Variants in NCALD observed in about 807,000 individuals in gnomAD.
The protein encoded by NCALD is neurocalcin-delta.
In NCALD, 10 loss-of-function variants were observed where a neutral mutation model predicts 18.6. The observed-to-expected ratio is 0.54, with a 90% CI of 0.33 to 0.91. The LOEUF (loss-of-function observed/expected upper bound fraction) is 0.91. NCALD is among the 40% of genes least tolerant of loss of function. The pLI, the probability that NCALD is intolerant of heterozygous loss-of-function variation, is 0.03. For synonymous variants in NCALD, 88 were observed against 87.4 expected (o/e 1.01, Z -0.04); for missense variants, 184 against 247.6 (o/e 0.74, Z 1.72).
At chr8:101,745,037 G>C (rs1348243795) in intron 1 of NCALD, among the ~76,000 whole-genome samples, 1 of 150,394 alleles carries the variant, frequency 6.6e-6, no homozygotes, top group African/African-American at 2.4e-5. Flanking sequence ...AGCATTTCTG[G>C]GGGGTAGGGT....
intron 3 of NCALD, among the ~76,000 whole-genome samples, chr8:101,899,009 C>T (rs544775151): frequency 6.6e-6 from 1 of 152,154 alleles, no homozygotes; most frequent in South Asian, 2.1e-4. Context: ...CTCTTCCAAT[C>T]CACAAACACA....
At chr8:101,888,391 T>A (rs1391184672) in intron 3 of NCALD, among the ~76,000 whole-genome samples, 4 of 151,496 alleles carry the variant, frequency 2.6e-5, no homozygotes, top group African/African-American at 7.3e-5. Flanking sequence ...AGCTGGACTT[T>A]CTTTTTTATT....
At position 102,047,663 on chromosome 8, in the gene NCALD, G is replaced by A. The variant is rs898821308; in HGVS notation, c.-209-27374C>T. ...AAAGAAAATTACAATAAAAGGTACC[G>A]TTTATTGAGCATTTATCCGGGACCA... On this transcript the variant is annotated intron_variant, in intron 1 of 6. Transcript: ENST00000311028. Among the ~76,000 whole-genome samples, 5 of 152,184 alleles carry A rather than the reference G, an allele frequency of 3.3e-5. 1 individual carries two copies. The highest frequency in any genetic ancestry group is 4.1e-4 in the South Asian group (2 of 4,830).
intron 1 of NCALD, among the ~76,000 whole-genome samples, chr8:101,738,550 A>C (rs1810031800): frequency 1.3e-5 from 1 of 78,412 alleles, no homozygotes; most frequent in Non-Finnish European, 2.6e-5. Context: ...ATCTCAAAAA[A>C]ACAAAAAAAA....
At chr8:101,726,859 C>T (rs914870507) in intron 1 of NCALD, among the ~76,000 whole-genome samples, 4 of 152,098 alleles carry the variant, frequency 2.6e-5, no homozygotes, top group Non-Finnish European at 5.9e-5. Flanking sequence ...ACTGTTTCTA[C>T]GCAAACACCA....
At chr8:101,773,565 G>T (rs1367750952) in intron 1 of NCALD, among the ~76,000 whole-genome samples, 1 of 152,122 alleles carries the variant, frequency 6.6e-6, no homozygotes, top group African/African-American at 2.4e-5. Context: ...CTGCACCTGA[G>T]CATCACCTAG....
intron 2 of NCALD, among the ~76,000 whole-genome samples, chr8:102,008,597 C>T (rs897960550): frequency 6.6e-6 from 1 of 152,116 alleles, no homozygotes; most frequent in Admixed American, 6.5e-5. Flanking sequence ...AGCAACATTC[C>T]TAACATCAAG....
intron 1 of NCALD, among the ~76,000 whole-genome samples, chr8:102,077,603 G>T (rs564783267): frequency 6.6e-6 from 1 of 152,134 alleles, no homozygotes; most frequent in South Asian, 2.1e-4. Flanking sequence ...ATGCCTGCCC[G>T]TCCTATCCCT....
At chr8:101,772,439 T>A (rs1811623519) in intron 1 of NCALD, among the ~76,000 whole-genome samples, 1 of 152,142 alleles carries the variant, frequency 6.6e-6, no homozygotes, top group Admixed American at 6.5e-5. Flanking sequence ...GAATGGCCTG[T>A]TAAGATTTGG....
At chr8:101,809,451 TA>T (rs963393265) in intron 4 of NCALD, among the ~76,000 whole-genome samples, 16 of 152,334 alleles carry the variant, frequency 1.1e-4, no homozygotes, top group South Asian at 6.2e-4. Context: ...ATCTCCCATA[TA>T]AAAGGAAAGT....
At position 101,819,537 on chromosome 8, in the gene NCALD, G is replaced by GATT. The variant is rs112086479; in HGVS notation, c.-20+67601_-20+67603dup. ...CCCAATTCCCAATTTATCCCAGTGA[G>GATT]ATTATTATTCCTTATTTTTTACTAT... is the stretch of plus-strand genomic sequence containing the variant. On this transcript the variant is annotated intron_variant, in intron 4 of 6. Transcript: ENST00000311028. Among the ~76,000 whole-genome samples, 855 of 152,044 alleles carry GATT rather than the reference G, an allele frequency of 5.6e-3. 10 individuals carry two copies. Among genetic ancestry groups the GATT allele is most frequent in the African/African-American group, 0.018 (752 of 41,438 alleles).
At chr8:101,827,270 C>T (rs1021485588) in intron 4 of NCALD, among the ~76,000 whole-genome samples, 4 of 152,114 alleles carry the variant, frequency 2.6e-5, no homozygotes, top group Non-Finnish European at 5.9e-5. Context: ...TTTCAGGACA[C>T]GTGATTGTAT....
intron 4 of NCALD, among the ~76,000 whole-genome samples, chr8:101,840,096 G>A (rs545346230): frequency 6.7e-6 from 1 of 150,108 alleles, no homozygotes; most frequent in Admixed American, 6.6e-5. Flanking sequence ...ATCATTATCT[G>A]TCATCCATAA....
chr8:101,698,540 G>A (rs1815108873), intron 2 of NCALD, among the ~76,000 whole-genome samples: 1 of 152,088 alleles, frequency 6.6e-6, no homozygotes, highest in Non-Finnish European at 1.5e-5. Flanking sequence ...AATATTACAA[G>A]GCTACAGTAA....
Position 102,008,154 on chromosome 8 carries a change from T to G in NCALD, c.-157+12083A>C, listed in dbSNP as rs1033206069. 7.9e-5 allele frequency among the ~76,000 whole-genome samples: 12 copies of G among 152,204 alleles called. 1 individual carries two copies. The highest frequency in any genetic ancestry group is 7.2e-4 in the Admixed American group (11 of 15,280). ...TTAGCAATGTTAATCGAGCACCTAT[T>G]ATGTGCTGGCCATTATTCTAGTCAC... On this transcript the variant is annotated intron_variant, in intron 2 of 6. Coordinates refer to the NCALD transcript ENST00000311028.
At chr8:101,991,136 A>AT (rs1821030603) in intron 2 of NCALD, among the ~76,000 whole-genome samples, 1 of 152,136 alleles carries the variant, frequency 6.6e-6, no homozygotes, top group Non-Finnish European at 1.5e-5. Flanking sequence ...ATGGTGACTC[A>AT]TTTTTTGACT....
chr8:101,817,246 T>C (rs1309418225), intron 4 of NCALD, among the ~76,000 whole-genome samples: 1 of 152,076 alleles, frequency 6.6e-6, no homozygotes, highest in Admixed American at 6.6e-5. Context: ...ATCAACTTTC[T>C]CCTCCTACTT....
intron 1 of NCALD, among the ~76,000 whole-genome samples, chr8:102,080,811 G>A (rs140503226): frequency 7.5e-4 from 115 of 152,346 alleles, no homozygotes; most frequent in African/African-American, 2.6e-3. Context: ...AGACCAGTGG[G>A]CTCTGAGGCT....
At chr8:101,891,292 C>A (rs1351733923) in intron 3 of NCALD, among the ~76,000 whole-genome samples, 1 of 152,218 alleles carries the variant, frequency 6.6e-6, no homozygotes, top group Non-Finnish European at 1.5e-5. Flanking sequence ...CATTCCTCAT[C>A]CTTGACAATC....
Sources: allele counts gnomAD v4.1 joint callset (sites outside exome capture counted in the v4.1 genomes callset), GRCh38; gene constraint gnomAD v4.1.1; transcripts MANE v1.5; gene names NCBI Gene and HGNC (gene_info 2026-07-23, HGNC 2026-07-21).